The following GLIPR1 variants were observed in gnomAD, a reference collection of about 807,000 sequenced individuals.
The protein encoded by GLIPR1 is glioma pathogenesis-related protein 1.
A neutral mutation model predicts 30.3 loss-of-function variants in GLIPR1; 38 were observed. The observed-to-expected ratio is 1.26, with a 90% confidence interval of 0.97 to 1.65. The LOEUF (loss-of-function observed/expected upper bound fraction) is 1.65, where lower values mean the gene tolerates loss of function less well. Ranked by LOEUF, GLIPR1 falls within the 40% of genes most tolerant of loss-of-function variation. The pLI, the probability that GLIPR1 is intolerant of heterozygous loss-of-function variation, is 0.00. For synonymous variants in GLIPR1, 122 were observed against 110.6 expected, an observed-to-expected ratio of 1.10 and a Z score of -0.65; for missense variants, 285 against 326.5, an observed-to-expected ratio of 0.87 and a Z score of 0.98.
chr12:75,493,989 T>C (rs969696759), intron 3 of GLIPR1: 1 of 152,262 alleles, frequency 6.6e-6, no homozygotes, highest in Non-Finnish European at 1.5e-5. Flanking sequence ...ACTGTGCTTA[T>C]TAACAATGAA....
Position 75,498,724 on chromosome 12 carries a change from C to A in GLIPR1, c.646+4C>A, listed in dbSNP as rs201786239. On this transcript the variant is annotated splice_donor_region_variant and intron_variant, in intron 5 of 5. Coordinates refer to ENST00000266659, the MANE Select transcript of GLIPR1 (RefSeq NM_006851.3). ...CGACAGCGAGACCAAGTCAAACGTA[C>A]GTACATCAATCTTAAATTGTTTCAT... is the stretch of plus-strand genomic sequence containing the variant. The A allele has an allele frequency of 1.6e-5, 25 of 1,611,906 alleles. No homozygotes were observed. The highest frequency in any genetic ancestry group is 1.9e-5 in the Non-Finnish European group (22 of 1,178,426).
chr12:75,494,087 G>C lies in GLIPR1; in HGVS notation c.534-1490G>C, dbSNP rs1455363684. 3 of 152,124 alleles carry C rather than the reference G, an allele frequency of 2.0e-5. No individual in the cohort carries two copies. The East Asian group carries it at 5.8e-4, about 29-fold the overall frequency. 9.4% of individuals were successfully genotyped at this position (152,124 alleles called of 1,614,324 possible). ...TATATTACCTTTTTTCCATGGTGTA[G>C]AGTAAGCAGAGGGCTAATTAAATTT... On this transcript the variant is annotated intron_variant, in intron 3 of 5. Coordinates refer to ENST00000266659, the MANE Select transcript of GLIPR1 (RefSeq NM_006851.3).
chr12:75,497,501 T>C (rs1303265054), intron 4 of GLIPR1: 4 of 152,240 alleles, frequency 2.6e-5, no homozygotes, highest in African/African-American at 9.6e-5. Flanking sequence ...GCTAGATTTA[T>C]GTAATTTGTT....
Position 75,481,995 on chromosome 12 carries a change from C to T in GLIPR1, c.336C>T (p.Ser112=), listed in dbSNP as rs752722580. ...TGSVPIFSVS[S]AITNWYDEIQ... Reference sequence around the variant, plus strand: ...CTGTGCCCATTTTTTCTGTGTCTTCCGCCATCACAAACTGGTATGACGAAA... The same window carrying T: ...CTGTGCCCATTTTTTCTGTGTCTTCTGCCATCACAAACTGGTATGACGAAA... Residue 112 remains serine (S), a synonymous_variant, in exon 2 of 6, where the codon TCC becomes TCT. Coordinates refer to ENST00000266659, the MANE Select transcript of GLIPR1 (RefSeq NM_006851.3). 2.7e-5 allele frequency: 44 copies of T among 1,613,908 alleles called. No homozygotes were observed. The highest frequency in any genetic ancestry group is 1.6e-4 in the Middle Eastern group (1 of 6,084).
At chr12:75,484,884 CAG>C (rs2046286643) in intron 2 of GLIPR1, 1 of 177,018 alleles carries the variant, frequency 5.6e-6, no homozygotes, top group African/African-American at 2.4e-5. Context: ...AGCTTGGGCT[CAG>C]AGGCCTGACA....
rs998144753 is a variant in GLIPR1 at position 75,500,651 on chromosome 12, T to C, written c.*1673T>C. 2 of 151,986 alleles carry C rather than the reference T, an allele frequency of 1.3e-5. No homozygotes were observed. The highest frequency in any genetic ancestry group is 2.9e-5 in the Non-Finnish European group (2 of 67,944). 9.4% of individuals were successfully genotyped at this position (151,986 alleles called of 1,614,324 possible). A position where few individuals can be genotyped will look rare whatever the true frequency, so the allele number is the denominator to read the frequency against. ...GTCCCCCTAATAGAAGCCAACTATC[T>C]AATCAATGCCAAAAGTGTGAACAAA... On this transcript the variant is annotated 3_prime_UTR_variant, in exon 6 of 6. Transcript: ENST00000266659.
At chr12:75,492,989 C>T (rs1440184348) in intron 3 of GLIPR1, 3 of 152,166 alleles carry the variant, frequency 2.0e-5, no homozygotes, top group Non-Finnish European at 2.9e-5. Context: ...GACATAAGAA[C>T]TTCTGGAACA....
chr12:75,487,107 G>T (rs970776456), intron 2 of GLIPR1, among the ~76,000 whole-genome samples: 1 of 152,128 alleles, frequency 6.6e-6, no homozygotes, highest in Admixed American at 6.5e-5. Flanking sequence ...ATATAACAAC[G>T]CTACAGAAGA....
rs1274768301 is a variant in GLIPR1, at chr12:75,481,857, A to G, written c.198A>G (p.Gln66=). The G allele has an allele frequency of 1.2e-6, 2 of 1,614,102 alleles. No individual in the cohort carries two copies. The highest frequency in any genetic ancestry group is 4.5e-5 in the East Asian group (2 of 44,882). ...LYMTWDPALA[Q]IAKAWASNCQ... ...AGACTTGGGACCCAGCACTAGCCCA[A>G]ATTGCAAAAGCATGGGCCAGCAATT... is the stretch of plus-strand genomic sequence containing the variant. Residue 66 remains glutamine (Q), a synonymous_variant, in exon 2 of 6, where the codon CAA becomes CAG. Transcript: ENST00000266659.
intron 2 of GLIPR1, among the ~76,000 whole-genome samples, chr12:75,486,845 C>T (rs1012600457): frequency 6.6e-6 from 1 of 152,092 alleles, no homozygotes; most frequent in African/African-American, 2.4e-5. Flanking sequence ...AGGGAACTTT[C>T]TGGGGCGATA....
chr12:75,488,634 C>A (rs1359550038), intron 2 of GLIPR1, among the ~76,000 whole-genome samples: 1 of 152,088 alleles, frequency 6.6e-6, no homozygotes, highest in Non-Finnish European at 1.5e-5. Flanking sequence ...GAGTAAATTT[C>A]ATTTATTTTT....
intron 3 of GLIPR1, 38 bp downstream of exon 3, chr12:75,490,556 C>CT (rs755731203): frequency 4.7e-5 from 7 of 147,468 alleles, no homozygotes; most frequent in Non-Finnish European, 7.2e-5. Context: ...GGAAACGCCC[C>CT]CCCCCCCCCG....
intron 2 of GLIPR1, among the ~76,000 whole-genome samples, chr12:75,486,316 TAA>T (rs57214608): frequency 1.1e-4 from 16 of 149,396 alleles, no homozygotes; most frequent in African/African-American, 2.5e-4. Context: ...ACCTGCCTGA[TAA>T]AAAAAAAAAT....
At position 75,503,724 on chromosome 12, in the gene GLIPR1, C is replaced by A; in HGVS notation, c.*4746C>A. On this transcript the variant is annotated 3_prime_UTR_variant, in exon 6 of 6. Coordinates refer to ENST00000266659, the MANE Select transcript of GLIPR1 (RefSeq NM_006851.3). ...AATGTGAACGCCCCACTGCACACCC[C>A]CATGCACTCAGCTCAAAATATGCCT... 1 of 494,136 alleles carries A rather than the reference C, an allele frequency of 2.0e-6. No homozygotes were observed. Among genetic ancestry groups the A allele is most frequent in the African/African-American group, 1.9e-5 (1 of 51,300 alleles). 30.6% of individuals were successfully genotyped at this position (494,136 alleles called of 1,614,324 possible). A position where few individuals can be genotyped will look rare whatever the true frequency, so the allele number is the denominator to read the frequency against.
At chr12:75,496,865 TAC>T (rs1170834733) in intron 4 of GLIPR1, 1 of 152,204 alleles carries the variant, frequency 6.6e-6, no homozygotes, top group Non-Finnish European at 1.5e-5. Context: ...TATCTTTACA[TAC>T]AGTCGTACTT....
rs1186060053 is a variant in GLIPR1, at chr12:75,500,424, C to T, written c.*1446C>T. On this transcript the variant is annotated 3_prime_UTR_variant, in exon 6 of 6. Coordinates refer to ENST00000266659, the MANE Select transcript of GLIPR1 (RefSeq NM_006851.3). ...TAAGCTAGAGGTCAAAATCTACTTC[C>T]TCTAATATCAAAACGAAAATTTAAA... The T allele has an allele frequency of 6.6e-6, 1 of 151,802 alleles. No individual in the cohort carries two copies. Among genetic ancestry groups the T allele is most frequent in the African/African-American group, 2.4e-5 (1 of 41,370 alleles). 9.4% of individuals were successfully genotyped at this position (151,802 alleles called of 1,614,324 possible). A position where few individuals can be genotyped will look rare whatever the true frequency, so the allele number is the denominator to read the frequency against.
chr12:75,490,574 A>AC, intron 3 of GLIPR1, 56 bp downstream of exon 3: 2 of 357,150 alleles, frequency 5.6e-6, no homozygotes, highest in Non-Finnish European at 9.7e-6. Flanking sequence ...CCGCAAAAAA[A>AC]AACAACAACA....
chr12:75,486,384 G>T (rs141357190), intron 2 of GLIPR1, among the ~76,000 whole-genome samples: 2 of 152,154 alleles, frequency 1.3e-5, no homozygotes, highest in South Asian at 2.1e-4. Flanking sequence ...AATGAAACAA[G>T]AATATTTGCT....
At position 75,481,997 on chromosome 12, in the gene GLIPR1, C is replaced by G; in HGVS notation, c.338C>G (p.Ala113Gly). ...GTGCCCATTTTTTCTGTGTCTTCCG[C>G]CATCACAAACTGGTATGACGAAATC... is the stretch of plus-strand genomic sequence containing the variant. ...GSVPIFSVSS[A>G]ITNWYDEIQD... The change falls in exon 2 of 6, where the codon GCC (alanine) becomes GGC (glycine). Residue 113 changes from alanine to glycine, a missense_variant. Ala to Gly is a moderately conservative substitution (Grantham distance 60). Coordinates refer to ENST00000266659, the MANE Select transcript of GLIPR1 (RefSeq NM_006851.3). The G allele has an allele frequency of 6.2e-7, 1 of 1,613,952 alleles. No individual in the cohort carries two copies. Among genetic ancestry groups the G allele is most frequent in the Non-Finnish European group, 8.5e-7 (1 of 1,179,922 alleles).
Sources: allele counts gnomAD v4.1 joint callset (sites outside exome capture counted in the v4.1 genomes callset), GRCh38; gene constraint gnomAD v4.1.1; transcripts MANE v1.5; gene names NCBI Gene and HGNC (gene_info 2026-07-23, HGNC 2026-07-21).